The following GALNT13 variants were observed in gnomAD, a reference collection of about 807,000 sequenced individuals.
GALNT13 encodes UDP-GalNAc:polypeptide N-acetylgalactosaminyltransferase 13.
A neutral mutation model predicts 64.2 loss-of-function variants in GALNT13; 28 were observed. The observed-to-expected ratio is 0.44, with a 90% CI of 0.32 to 0.60. The LOEUF is 0.60. Ranked by LOEUF, GALNT13 falls within the 20% of genes least tolerant of loss-of-function variation. The pLI is 0.05. For synonymous variants in GALNT13, 214 were observed against 224.6 expected, an observed-to-expected ratio of 0.95 and a Z score of 0.42; for missense variants, 577 against 669.8, an observed-to-expected ratio of 0.86 and a Z score of 1.53.
chr2:153,451,818 G>A, the GALNT13 span, among the ~76,000 whole-genome samples: 5 of 152,176 alleles, frequency 3.3e-5, no homozygotes, highest in African/African-American at 1.2e-4. Context: ...AGCCCCAGGC[G>A]GCAGGTAGGT....
At chr2:154,294,169 C>T (rs1437451159) in intron 8 of GALNT13, among the ~76,000 whole-genome samples, 9 of 152,196 alleles carry the variant, frequency 5.9e-5, no homozygotes, top group Admixed American at 2.0e-4. Flanking sequence ...AAACATGAGC[C>T]AGTATCCATT....
At chr2:153,849,975 C>A in the GALNT13 span, among the ~76,000 whole-genome samples, 1 of 127,888 alleles carries the variant, frequency 7.8e-6, no homozygotes, top group Non-Finnish European at 1.6e-5. Context: ...TCCTGGCTAA[C>A]GCGGTGAAAC....
chr2:154,234,185 C>T (rs1689073247), intron 4 of GALNT13, among the ~76,000 whole-genome samples: 1 of 152,046 alleles, frequency 6.6e-6, no homozygotes, highest in Non-Finnish European at 1.5e-5. Context: ...AGATAAAATA[C>T]AAGATATTAG....
At chr2:154,362,176 G>A (rs867537916) in intron 9 of GALNT13, among the ~76,000 whole-genome samples, 23 of 152,078 alleles carry the variant, frequency 1.5e-4, no homozygotes, top group African/African-American at 4.1e-4. Context: ...AATTGGAATG[G>A]TCCTTGGAAG....
intron 2 of GALNT13, among the ~76,000 whole-genome samples, chr2:153,914,232 A>G (rs1007567252): frequency 1.1e-4 from 17 of 152,166 alleles, no homozygotes; most frequent in Non-Finnish European, 2.9e-5. Context: ...CAAAGAGAAC[A>G]CTGTCCATCA....
chr2:154,146,056 A>C (rs1683572199), intron 4 of GALNT13, among the ~76,000 whole-genome samples: 1 of 151,772 alleles, frequency 6.6e-6, no homozygotes, highest in Non-Finnish European at 1.5e-5. Context: ...TCATGTGTAG[A>C]ATTAATTTCA....
At chr2:154,168,985 G>C (rs2105693914) in intron 4 of GALNT13, among the ~76,000 whole-genome samples, 1 of 152,224 alleles carries the variant, frequency 6.6e-6, no homozygotes. Context: ...CAAGGGGGAG[G>C]GGAGCCAGTT....
At chr2:154,391,422 C>T (rs1698786532) in intron 9 of GALNT13, among the ~76,000 whole-genome samples, 1 of 152,114 alleles carries the variant, frequency 6.6e-6, no homozygotes, top group Non-Finnish European at 1.5e-5. Context: ...GACCCTAAGG[C>T]CCCCACTCCA....
chr2:153,675,994 A>AAGAAAAGT, the GALNT13 span, among the ~76,000 whole-genome samples: 1 of 152,166 alleles, frequency 6.6e-6, no homozygotes. Context: ...AAGCTAGGAG[A>AAGAAAAGT]AGAAAAGTAA....
intron 4 of GALNT13, among the ~76,000 whole-genome samples, chr2:154,228,820 C>CT (rs1169011682): frequency 1.3e-5 from 2 of 151,864 alleles, no homozygotes; most frequent in Non-Finnish European, 2.9e-5. Flanking sequence ...TTCTTTGATG[C>CT]TTTTTTTTGA....
the GALNT13 span, among the ~76,000 whole-genome samples, chr2:153,503,111 C>T: frequency 0.073 from 11,179 of 152,120 alleles, 578 homozygotes; most frequent in Admixed American, 0.12. Flanking sequence ...TCTTTGTTTT[C>T]GTTGCATTTG....
chr2:153,715,403 C>A, the GALNT13 span, among the ~76,000 whole-genome samples: 1 of 152,232 alleles, frequency 6.6e-6, no homozygotes, highest in African/African-American at 2.4e-5. Flanking sequence ...AGGGTTTCAA[C>A]TGGCTTTGGC....
the GALNT13 span, among the ~76,000 whole-genome samples, chr2:153,781,477 A>G: frequency 6.6e-6 from 1 of 152,136 alleles, no homozygotes; most frequent in Non-Finnish European, 1.5e-5. Flanking sequence ...GATGTATACC[A>G]TGCACTGGGT....
chr2:153,900,017 C>A (rs1461401142), intron 1 of GALNT13, among the ~76,000 whole-genome samples: 1 of 147,486 alleles, frequency 6.8e-6, no homozygotes. Flanking sequence ...CTCACTGCAA[C>A]CTCCGCCTCC....
At chr2:154,092,748 G>A (rs16836060) in intron 3 of GALNT13, among the ~76,000 whole-genome samples, 11,260 of 152,110 alleles carry the variant, frequency 0.074, 494 homozygotes, top group Middle Eastern at 0.14. Context: ...GGTAACTGAT[G>A]TGAGATCAGG....
the GALNT13 span, among the ~76,000 whole-genome samples, chr2:153,733,328 G>A: frequency 6.6e-6 from 1 of 152,130 alleles, no homozygotes; most frequent in Non-Finnish European, 1.5e-5. Context: ...AGCTACTGAA[G>A]TTAGCCTGCC....
At chr2:154,073,251 A>G (rs2105394779) in intron 3 of GALNT13, among the ~76,000 whole-genome samples, 1 of 152,144 alleles carries the variant, frequency 6.6e-6, no homozygotes, top group East Asian at 1.9e-4. Context: ...AAAATAAAGT[A>G]GCTAGTTTTT....
chr2:153,676,561 C>CA, the GALNT13 span, among the ~76,000 whole-genome samples: 1 of 151,952 alleles, frequency 6.6e-6, no homozygotes, highest in Non-Finnish European at 1.5e-5. Context: ...GACACAACAG[C>CA]AAAAAATGTC....
chr2:153,330,021 T>C, the GALNT13 span, among the ~76,000 whole-genome samples: 1 of 152,224 alleles, frequency 6.6e-6, no homozygotes, highest in African/African-American at 2.4e-5. Context: ...CAGCACCATT[T>C]ATTGAATAGA....
Sources: allele counts gnomAD v4.1 joint callset (sites outside exome capture counted in the v4.1 genomes callset), GRCh38; gene constraint gnomAD v4.1.1; transcripts MANE v1.5; gene names NCBI Gene and HGNC (gene_info 2026-07-23, HGNC 2026-07-21).